CACNA1B: variants seen among roughly 807,000 people sequenced by gnomAD.
CACNA1B encodes voltage-dependent N-type calcium channel subunit alpha-1B.
CACNA1B carries 70 observed loss-of-function variants against 247.2 expected under a neutral mutation model. That is an observed-to-expected ratio of 0.28 (90% CI 0.23 to 0.35). CACNA1B has a LOEUF of 0.35. Among genes scored for constraint, CACNA1B ranks in the 10% least tolerant of loss-of-function variants. The pLI, the probability that CACNA1B is intolerant of heterozygous loss-of-function variation, is 1.00. For synonymous variants in CACNA1B, 1,231 were observed against 1,294.4 expected, an observed-to-expected ratio of 0.95 and a Z score of 1.05; for missense variants, 2,367 against 3,197.4, an observed-to-expected ratio of 0.74 and a Z score of 6.26.
chr9:138,117,628 A>G lies in CACNA1B; in HGVS notation c.5778-318A>G, dbSNP rs1215846947. Among the ~76,000 whole-genome samples the G allele has an allele frequency of 7.2e-5, 11 of 152,312 alleles. No individual in the cohort carries two copies. In the South Asian group the frequency reaches 1.0e-3, roughly 14 times the overall value. On this transcript the variant is annotated intron_variant, in intron 42 of 46. Coordinates refer to ENST00000371372, the MANE Select transcript of CACNA1B (RefSeq NM_000718.4). ...GTCCAGAGGAGCGGGTGACGGACCC[A>G]GGCCCCCCTCAGACTTGAGCACTGT... is the stretch of plus-strand genomic sequence containing the variant.
Position 137,899,115 on chromosome 9 carries a change from T to A in CACNA1B, c.531-14065T>A, listed in dbSNP as rs1163255015. On this transcript the variant is annotated intron_variant, in intron 3 of 46. Transcript: ENST00000371372. The surrounding 1 kb of genome is among the most constrained non-coding windows in gnomAD (Gnocchi z 5.0). The stretch of plus-strand genomic sequence containing the variant: ...TTTCTTTTTTTTTTGTCAGTTGGAG[T>A]CTCTCTCTGTTGCCCAGGGTGGAGT... 6.6e-6 allele frequency among the ~76,000 whole-genome samples: 1 copy of A among 150,932 alleles called. No homozygotes were observed. The highest frequency in any genetic ancestry group is 1.5e-5 in the Non-Finnish European group (1 of 67,756).
intron 20 of CACNA1B, among the ~76,000 whole-genome samples, chr9:138,043,120 G>A (rs1959146464): frequency 6.6e-6 from 1 of 152,220 alleles, no homozygotes. Context: ...TATTAGCCCT[G>A]GGGAGTTTGA....
In CACNA1B at chr9:137,891,906, T is replaced by G. The variant is rs2133243090; in HGVS notation, c.530+9023T>G. The stretch of plus-strand genomic sequence containing the variant: ...CCCTGCCCTCTTCACGACCCTGCTG[T>G]GAGCTCCTTTCTCCAGGGCTGGGCA... On this transcript the variant is annotated intron_variant, in intron 3 of 46. Coordinates refer to ENST00000371372, the MANE Select transcript of CACNA1B (RefSeq NM_000718.4). The surrounding 1 kb of genome is among the most constrained non-coding windows in gnomAD (Gnocchi z 4.3). The G allele has an allele frequency of 2.6e-6, 1 of 381,726 alleles. No individual in the cohort carries two copies. Among genetic ancestry groups the G allele is most frequent in the African/African-American group, 2.1e-5 (1 of 47,778 alleles). 23.6% of individuals were successfully genotyped at this position (381,726 alleles called of 1,614,324 possible).
chr9:137,935,784 T>A (rs1306342294), intron 6 of CACNA1B, among the ~76,000 whole-genome samples: 1 of 147,346 alleles, frequency 6.8e-6, no homozygotes, highest in Non-Finnish European at 1.5e-5. Context: ...GACTTTTTCT[T>A]TTTTTTTTTT....
At position 138,117,326 on chromosome 9, in the gene CACNA1B, G is replaced by A. The variant is rs999934732; in HGVS notation, c.5778-620G>A. Among the ~76,000 whole-genome samples the A allele has an allele frequency of 2.6e-5, 4 of 152,114 alleles. No individual in the cohort carries two copies. In the East Asian group the frequency reaches 7.7e-4, roughly 29 times the overall value. On this transcript the variant is annotated intron_variant, in intron 42 of 46. Transcript: ENST00000371372. Reference sequence around the variant, plus strand: ...AAGTAAGGAGGAGCCACCAGCAAGGGACCCCTGAGGGAGGAAGCCCCTAGA... The same window carrying A: ...AAGTAAGGAGGAGCCACCAGCAAGGAACCCCTGAGGGAGGAAGCCCCTAGA...
At chr9:138,053,476 T>C (rs1471396324) in intron 25 of CACNA1B, among the ~76,000 whole-genome samples, 1 of 152,096 alleles carries the variant, frequency 6.6e-6, no homozygotes, top group East Asian at 1.9e-4. Context: ...GTCCTCAGGT[T>C]TCCATCCCGT....
intron 20 of CACNA1B, among the ~76,000 whole-genome samples, chr9:138,029,545 C>G (rs1264183657): frequency 1.3e-5 from 2 of 151,480 alleles, no homozygotes; most frequent in East Asian, 1.9e-4. Flanking sequence ...AAAAATTTCC[C>G]TCTGTTTCAG....
chr9:137,919,947 G>T lies in CACNA1B; in HGVS notation c.966+2516G>T, dbSNP rs1352988373. On this transcript the variant is annotated intron_variant, in intron 6 of 46. Coordinates refer to ENST00000371372, the MANE Select transcript of CACNA1B (RefSeq NM_000718.4). This position sits in a 1 kb window ranked among gnomAD's most constrained non-coding sequence, Gnocchi z 4.6. ...GGGAGAACACACGGATGAGCCTGGG[G>T]AGAGACGAGTCGGCAGTAAATTCCT... Among the ~76,000 whole-genome samples the T allele has an allele frequency of 6.6e-6, 1 of 152,210 alleles. No individual in the cohort carries two copies. Among genetic ancestry groups the T allele is most frequent in the African/African-American group, 2.4e-5 (1 of 41,460 alleles).
At chr9:138,061,427 T>G (rs1034660915) in intron 31 of CACNA1B, among the ~76,000 whole-genome samples, 2 of 152,160 alleles carry the variant, frequency 1.3e-5, no homozygotes, top group African/African-American at 4.8e-5. Flanking sequence ...ATTTCCTCCA[T>G]CCATACATTT....
At position 137,881,202 on chromosome 9, in the gene CACNA1B, G is replaced by T. The variant is rs1229673751; in HGVS notation, c.391-1542G>T. On this transcript the variant is annotated intron_variant, in intron 2 of 46. Transcript: ENST00000371372. The surrounding 1 kb of genome is among the most constrained non-coding windows in gnomAD (Gnocchi z 4.3). ...AGCAACCCCACCCCTTGGGAAAAGGGGTCCCTCCTAAACAAATCAGACCAG... is the reference window on the plus strand; with the variant it reads ...AGCAACCCCACCCCTTGGGAAAAGGTGTCCCTCCTAAACAAATCAGACCAG... 6.6e-6 allele frequency among the ~76,000 whole-genome samples: 1 copy of T among 152,094 alleles called. No individual in the cohort carries two copies. Among genetic ancestry groups the T allele is most frequent in the Non-Finnish European group, 1.5e-5 (1 of 68,006 alleles).
At position 138,074,587 on chromosome 9, in the gene CACNA1B, G is replaced by T. The variant is rs536856045; in HGVS notation, c.4857+521G>T. On this transcript the variant is annotated intron_variant, in intron 34 of 46. Coordinates refer to ENST00000371372, the MANE Select transcript of CACNA1B (RefSeq NM_000718.4). ...AAGACTGTTTTGCGGAGGAGGACATGGAGGCACCACAAGATTGGGCTGCTT... is the reference window on the plus strand; with the variant it reads ...AAGACTGTTTTGCGGAGGAGGACATTGAGGCACCACAAGATTGGGCTGCTT... Among the ~76,000 whole-genome samples the T allele has an allele frequency of 7.9e-5, 12 of 152,364 alleles. No homozygotes were observed. The East Asian group carries it at 2.3e-3, about 29-fold the overall frequency.
chr9:137,894,556 C>G (rs542810287), intron 3 of CACNA1B, among the ~76,000 whole-genome samples: 32 of 152,100 alleles, frequency 2.1e-4, no homozygotes, highest in African/African-American at 7.2e-4. Context: ...CTGCAGGCGC[C>G]CGCCACCACG....
At chr9:137,935,732 G>T (rs528469562) in intron 6 of CACNA1B, among the ~76,000 whole-genome samples, 1 of 152,040 alleles carries the variant, frequency 6.6e-6, no homozygotes, top group Non-Finnish European at 1.5e-5. Flanking sequence ...GTGTAAAAGC[G>T]TTCCTATTGC....
At chr9:137,927,934 AT>A (rs1297571135) in intron 6 of CACNA1B, among the ~76,000 whole-genome samples, 1 of 152,190 alleles carries the variant, frequency 6.6e-6, no homozygotes, top group Non-Finnish European at 1.5e-5. Context: ...GGTGAATTAC[AT>A]TGATTTTTGA....
chr9:137,879,213 T>C (rs1956883376), intron 2 of CACNA1B, 54 bp downstream of exon 2: 1 of 1,154,628 alleles, frequency 8.7e-7, no homozygotes, highest in Admixed American at 1.9e-5. Context: ...GCGACTCCAC[T>C]TTCCTTTATG....
At position 138,117,512 on chromosome 9, in the gene CACNA1B, T is replaced by C. The variant is rs545286181; in HGVS notation, c.5778-434T>C. On this transcript the variant is annotated intron_variant, in intron 42 of 46. Transcript: ENST00000371372. Reference sequence around the variant, plus strand: ...AGGACTTCTTCAGCTACTGTCCTAATGCAGGCTGTACACATGCGGCCCCAC... The same window carrying C: ...AGGACTTCTTCAGCTACTGTCCTAACGCAGGCTGTACACATGCGGCCCCAC... Among the ~76,000 whole-genome samples, 31 of 152,324 alleles carry C rather than the reference T, an allele frequency of 2.0e-4. No homozygotes were observed. The East Asian group carries it at 6.0e-3, about 29-fold the overall frequency.
In CACNA1B at chr9:137,956,623, C is replaced by T. The variant is rs377210463; in HGVS notation, c.1187-148C>T. 2.8e-4 allele frequency: 152 copies of T among 547,098 alleles called. 1 individual carries two copies. In the South Asian group the frequency reaches 3.2e-3, roughly 12 times the overall value. 33.9% of individuals were successfully genotyped at this position (547,098 alleles called of 1,614,324 possible). ...GAGCCGAGATTGTGCCACTGCACTC[C>T]AGCCTGGGTGACAGAGCGAGACTCC... On this transcript the variant is annotated intron_variant, in intron 8 of 46. Transcript: ENST00000371372.
intron 11 of CACNA1B, among the ~76,000 whole-genome samples, chr9:137,975,254 C>G (rs577084814): frequency 6.6e-6 from 1 of 152,296 alleles, no homozygotes; most frequent in Admixed American, 6.5e-5. Flanking sequence ...GCAGGAACCT[C>G]TGTGTGACTT....
At chr9:138,117,199 C>T (rs967597130) in intron 42 of CACNA1B, among the ~76,000 whole-genome samples, 7 of 151,716 alleles carry the variant, frequency 4.6e-5, no homozygotes, top group East Asian at 1.9e-4. Context: ...TTGGGGCAGG[C>T]GTATGGGGAG....
Sources: allele counts gnomAD v4.1 joint callset (sites outside exome capture counted in the v4.1 genomes callset), GRCh38; gene constraint gnomAD v4.1.1; non-coding constraint Gnocchi (gnomAD v3.1); transcripts MANE v1.5; gene names NCBI Gene and HGNC (gene_info 2026-07-23, HGNC 2026-07-21).